Variants in PHACTR1 observed in about 807,000 individuals in gnomAD.
The protein encoded by PHACTR1 is RPEL repeat containing 1.
A neutral mutation model predicts 69.2 loss-of-function variants in PHACTR1; 16 were observed. The ratio of observed to expected loss-of-function variants is 0.23; its 90% CI spans 0.16 to 0.35. The LOEUF (loss-of-function observed/expected upper bound fraction) is 0.35, where lower values mean the gene tolerates loss of function less well. Ranked by LOEUF, PHACTR1 falls within the 10% of genes least tolerant of loss-of-function variation. The probability of loss-of-function intolerance (pLI) is 1.00; values close to 1 mark genes in which losing one functional copy is unlikely to be tolerated. For synonymous variants in PHACTR1, 312 were observed against 284.5 expected (o/e 1.10, Z -0.97); for missense variants, 510 against 734.7 (o/e 0.69, Z 3.54).
At chr6:13,255,780 G>T (rs1032234318) in intron 10 of PHACTR1, among the ~76,000 whole-genome samples, 5 of 152,204 alleles carry the variant, frequency 3.3e-5, no homozygotes, top group African/African-American at 9.6e-5. Flanking sequence ...GTTGGCCAGT[G>T]CTGCCTCTGT....
chr6:12,952,719 G>A (rs1289826991), intron 4 of PHACTR1, among the ~76,000 whole-genome samples: 1 of 151,624 alleles, frequency 6.6e-6, no homozygotes. Flanking sequence ...CAACTCCTTT[G>A]TGTAGATACC....
intron 4 of PHACTR1, among the ~76,000 whole-genome samples, chr6:12,753,238 G>A (rs1367022305): frequency 6.6e-6 from 1 of 152,198 alleles, no homozygotes; most frequent in Non-Finnish European, 1.5e-5. Flanking sequence ...TGCCTTATGA[G>A]GTCGTTCATT....
intron 7 of PHACTR1, among the ~76,000 whole-genome samples, chr6:13,189,478 A>G (rs570037930): frequency 8.7e-4 from 131 of 151,282 alleles, no homozygotes; most frequent in African/African-American, 3.1e-3. Flanking sequence ...GGCTCACTGC[A>G]GCCTCCACCT....
At position 12,912,679 on chromosome 6, in the gene PHACTR1, G is replaced by A. The variant is rs1471139790; in HGVS notation, c.251-140686G>A. Among the ~76,000 whole-genome samples, 4 of 152,248 alleles carry A rather than the reference G, an allele frequency of 2.6e-5. No individual in the cohort carries two copies. In the South Asian group the frequency reaches 6.2e-4, roughly 24 times the overall value. On this transcript the variant is annotated intron_variant, in intron 4 of 14. Transcript: ENST00000332995. ...TAAAAAATTGGCTTGTAGGCTGGGC[G>A]CAATGGCTCATGCCTGTAATCCCAT...
chr6:13,182,450 C>T lies in PHACTR1; in HGVS notation c.497-69C>T, dbSNP rs573123702. ...TTCAGCAGCATCTAGACTCAGCAGG[C>T]GGGAAGTGCCACTCTTTCTTGAAAG... is the stretch of plus-strand genomic sequence containing the variant. On this transcript the variant is annotated intron_variant, in intron 6 of 14. Transcript: ENST00000332995. The T allele has an allele frequency of 1.1e-4, 161 of 1,521,948 alleles. No individual in the cohort carries two copies. The South Asian group carries it at 1.6e-3, about 15-fold the overall frequency. The allele number at this position is 1,521,948 out of a possible 1,614,324, so 94.3% of individuals were successfully genotyped here. A position where few individuals can be genotyped will look rare whatever the true frequency, so the allele number is the denominator to read the frequency against.
At chr6:13,230,246 G>A in intron 10 of PHACTR1, 53 bp downstream of exon 10, 1 of 1,571,826 alleles carries the variant, frequency 6.4e-7, no homozygotes, top group African/African-American at 1.4e-5. Flanking sequence ...AGCTCTCCAG[G>A]TTCTAGCAAA....
chr6:12,816,293 A>G (rs962959224), intron 4 of PHACTR1, among the ~76,000 whole-genome samples: 5 of 152,234 alleles, frequency 3.3e-5, no homozygotes, highest in African/African-American at 1.2e-4. Flanking sequence ...TTTGAGTTTC[A>G]AAGAATGATG....
chr6:12,904,456 C>T (rs1785515037), intron 4 of PHACTR1, among the ~76,000 whole-genome samples: 1 of 151,770 alleles, frequency 6.6e-6, no homozygotes, highest in Admixed American at 6.6e-5. Context: ...ATTGCTTGAA[C>T]CCGGGAGGCG....
intron 4 of PHACTR1, among the ~76,000 whole-genome samples, chr6:12,853,730 G>T (rs774202172): frequency 6.6e-6 from 1 of 152,214 alleles, no homozygotes; most frequent in Admixed American, 6.5e-5. Flanking sequence ...ATCAGATCTT[G>T]TGAGAACTAA....
intron 7 of PHACTR1, among the ~76,000 whole-genome samples, chr6:13,187,104 C>G (rs1031539486): frequency 1.3e-5 from 2 of 152,118 alleles, no homozygotes; most frequent in Non-Finnish European, 2.9e-5. Context: ...TAATGGTGAG[C>G]AATGGGGAGT....
At chr6:12,768,260 A>G (rs1377740529) in intron 4 of PHACTR1, among the ~76,000 whole-genome samples, 1 of 151,770 alleles carries the variant, frequency 6.6e-6, no homozygotes, top group Non-Finnish European at 1.5e-5. Flanking sequence ...GACTACTGGC[A>G]CCCGCCACCA....
At chr6:13,017,648 GAAGTA>G (rs1246312903) in intron 4 of PHACTR1, among the ~76,000 whole-genome samples, 1 of 152,098 alleles carries the variant, frequency 6.6e-6, no homozygotes. Flanking sequence ...TCTAGAAAGT[GAAGTA>G]TTTTCTGTAT....
At chr6:12,754,750 A>G (rs1209591232) in intron 4 of PHACTR1, among the ~76,000 whole-genome samples, 2 of 152,232 alleles carry the variant, frequency 1.3e-5, no homozygotes, top group Non-Finnish European at 2.9e-5. Flanking sequence ...TTTTTAAAAA[A>G]TGAATGGCTG....
At chr6:13,080,772 G>A (rs1320529493) in intron 5 of PHACTR1, among the ~76,000 whole-genome samples, 1 of 152,066 alleles carries the variant, frequency 6.6e-6, no homozygotes, top group Non-Finnish European at 1.5e-5. Context: ...TGGTAGAAAT[G>A]ACAATAAATA....
intron 4 of PHACTR1, among the ~76,000 whole-genome samples, chr6:12,780,785 C>A (rs1375140258): frequency 6.6e-6 from 1 of 152,190 alleles, no homozygotes; most frequent in African/African-American, 2.4e-5. Context: ...TAAAAACATA[C>A]ACAAAGCTTA....
In PHACTR1 at chr6:13,179,405, C is replaced by CGT. The variant is rs4053019; in HGVS notation, c.497-3075_497-3074dup. 0.056 allele frequency among the ~76,000 whole-genome samples: 7,962 copies of CGT among 141,974 alleles called. 247 individuals carry two copies. Among genetic ancestry groups the CGT allele is most frequent in the East Asian group, 0.11 (522 of 4,902 alleles). 93.1% of individuals were successfully genotyped at this position (141,974 alleles called of 152,430 possible). ...TATACAGCCCATTACATTAATGTTTCGTGTGTGTGTGTGTGTGTGTGTGTG... is the reference window on the plus strand; with the variant it reads ...TATACAGCCCATTACATTAATGTTTCGTGTGTGTGTGTGTGTGTGTGTGTGTG... On this transcript the variant is annotated intron_variant, in intron 6 of 14. Transcript: ENST00000332995. The surrounding 1 kb of genome is among the most constrained non-coding windows in gnomAD (Gnocchi z 4.2).
chr6:12,820,290 T>C (rs999253983), intron 4 of PHACTR1, among the ~76,000 whole-genome samples: 2 of 152,128 alleles, frequency 1.3e-5, no homozygotes, highest in African/African-American at 4.8e-5. Context: ...AAGTGATTCT[T>C]CTGCCTCAGC....
At chr6:13,207,988 A>G (rs1766189274) in intron 8 of PHACTR1, among the ~76,000 whole-genome samples, 1 of 151,924 alleles carries the variant, frequency 6.6e-6, no homozygotes, top group Non-Finnish European at 1.5e-5. Context: ...AGGAATTCTG[A>G]CTTGATTGTT....
intron 5 of PHACTR1, among the ~76,000 whole-genome samples, chr6:13,053,987 A>T (rs917090952): frequency 5.6e-5 from 8 of 144,010 alleles, no homozygotes; most frequent in Non-Finnish European, 1.1e-4. Context: ...ACATAGCAGG[A>T]AAACAAAGAA....
Sources: allele counts gnomAD v4.1 joint callset (sites outside exome capture counted in the v4.1 genomes callset), GRCh38; gene constraint gnomAD v4.1.1; non-coding constraint Gnocchi (gnomAD v3.1); transcripts MANE v1.5; gene names NCBI Gene and HGNC (gene_info 2026-07-23, HGNC 2026-07-21).